The following TBC1D5 variants were observed in gnomAD, a reference collection of about 807,000 sequenced individuals.
TBC1D5 encodes TBC1 domain family, member 5.
A neutral mutation model predicts 100.3 loss-of-function variants in TBC1D5; 75 were observed. The ratio of observed to expected loss-of-function variants is 0.75; its 90% CI spans 0.62 to 0.91. TBC1D5 has a LOEUF of 0.91. TBC1D5 is among the 40% of genes least tolerant of loss of function. TBC1D5 has a pLI of 0.00. For synonymous variants in TBC1D5, 323 were observed against 325.6 expected (o/e 0.99, Z 0.09); for missense variants, 910 against 942.4 (o/e 0.97, Z 0.45).
chr3:17,685,527 G>A (rs1046558303), intron 1 of TBC1D5, among the ~76,000 whole-genome samples: 14 of 151,798 alleles, frequency 9.2e-5, no homozygotes, highest in East Asian at 1.9e-4. Context: ...ATGATTTTCC[G>A]GATTTTGATA....
chr3:17,675,719 A>C (rs1478726069), intron 1 of TBC1D5, among the ~76,000 whole-genome samples: 3 of 152,148 alleles, frequency 2.0e-5, no homozygotes, highest in Non-Finnish European at 4.4e-5. Context: ...TATGATGGTG[A>C]AATTTCATCA....
chr3:17,334,752 G>A (rs1325351693), intron 13 of TBC1D5, among the ~76,000 whole-genome samples: 1 of 152,128 alleles, frequency 6.6e-6, no homozygotes, highest in Non-Finnish European at 1.5e-5. Flanking sequence ...ATACTGGTAA[G>A]TCAACTTTAG....
intron 10 of TBC1D5, 105 bp from the exon 11 acceptor site, chr3:17,374,784 GA>G (rs1332051579): frequency 4.6e-6 from 5 of 1,097,500 alleles, no homozygotes; most frequent in Admixed American, 2.6e-5. Context: ...ATATGCAAAC[GA>G]AAAAAATTAG....
intron 2 of TBC1D5, among the ~76,000 whole-genome samples, chr3:17,559,881 G>T (rs371480863): frequency 2.6e-5 from 4 of 152,040 alleles, no homozygotes; most frequent in Admixed American, 1.3e-4. Flanking sequence ...GAGCCACCGC[G>T]CCCGGCCAAA....
chr3:17,453,962 T>C (rs1361006060), intron 3 of TBC1D5, among the ~76,000 whole-genome samples: 2 of 152,148 alleles, frequency 1.3e-5, no homozygotes, highest in East Asian at 3.9e-4. Context: ...AATCAACATA[T>C]GCGAATCAAT....
At chr3:17,425,756 A>C (rs1199527567) in intron 4 of TBC1D5, among the ~76,000 whole-genome samples, 1 of 152,210 alleles carries the variant, frequency 6.6e-6, no homozygotes, top group Admixed American at 6.5e-5. Flanking sequence ...TTCAAAAGTT[A>C]ATAAAATCTC....
chr3:17,310,861 T>G (rs1205240680), intron 13 of TBC1D5, among the ~76,000 whole-genome samples: 1 of 151,980 alleles, frequency 6.6e-6, no homozygotes, highest in Non-Finnish European at 1.5e-5. Context: ...TCTCAAAATA[T>G]TTAAGAAGAA....
chr3:17,387,702 A>G (rs1176475932), intron 8 of TBC1D5, among the ~76,000 whole-genome samples: 1 of 151,590 alleles, frequency 6.6e-6, no homozygotes, highest in Non-Finnish European at 1.5e-5. Context: ...AGGTAAAGTA[A>G]TTTGAACATC....
intron 2 of TBC1D5, among the ~76,000 whole-genome samples, chr3:17,575,882 T>C (rs2096654544): frequency 6.6e-6 from 1 of 152,118 alleles, no homozygotes; most frequent in Non-Finnish European, 1.5e-5. Flanking sequence ...TTCAATTTCA[T>C]TCAAAAATTG....
intron 2 of TBC1D5, among the ~76,000 whole-genome samples, chr3:17,559,155 T>C (rs2096541115): frequency 6.6e-6 from 1 of 152,284 alleles, no homozygotes; most frequent in African/African-American, 2.4e-5. Context: ...GTAAAACTTT[T>C]TTTTTTAAGA....
chr3:17,558,856 A>G (rs1560159046), intron 2 of TBC1D5, among the ~76,000 whole-genome samples: 2 of 152,192 alleles, frequency 1.3e-5, no homozygotes, highest in African/African-American at 4.8e-5. Context: ...TGAATTTTTT[A>G]AACTGCTTAA....
chr3:17,407,613 G>A (rs915321159), intron 4 of TBC1D5, among the ~76,000 whole-genome samples: 1 of 152,128 alleles, frequency 6.6e-6, no homozygotes, highest in Non-Finnish European at 1.5e-5. Context: ...TATGCTTAGA[G>A]TAATGAACTG....
intron 3 of TBC1D5, among the ~76,000 whole-genome samples, chr3:17,507,138 T>C (rs1027062593): frequency 1.3e-5 from 2 of 152,254 alleles, no homozygotes; most frequent in African/African-American, 4.8e-5. Context: ...AGACATTCAC[T>C]TTTAAAACAT....
chr3:17,268,778 A>G (rs1222954816), intron 15 of TBC1D5, among the ~76,000 whole-genome samples: 2 of 152,134 alleles, frequency 1.3e-5, no homozygotes, highest in Admixed American at 6.6e-5. Flanking sequence ...CCAACTTCCC[A>G]GACCCCTTAA....
At chr3:17,735,711 GC>G (rs1294241533) in intron 1 of TBC1D5, among the ~76,000 whole-genome samples, 1 of 152,226 alleles carries the variant, frequency 6.6e-6, no homozygotes, top group Non-Finnish European at 1.5e-5. Context: ...CGAGTCTTTA[GC>G]CCGATCAGGA....
At chr3:17,246,224 G>C (rs2149204274) in intron 16 of TBC1D5, among the ~76,000 whole-genome samples, 1 of 151,944 alleles carries the variant, frequency 6.6e-6, no homozygotes, top group East Asian at 1.9e-4. Context: ...AAAAACAAAG[G>C]AATATATTTT....
At chr3:17,185,654 C>G (rs1022841343) in intron 18 of TBC1D5, among the ~76,000 whole-genome samples, 6 of 151,494 alleles carry the variant, frequency 4.0e-5, no homozygotes, top group Admixed American at 2.6e-4. Context: ...AAAGATTTCC[C>G]TTTTTATAAG....
chr3:17,517,141 A>G (rs952753016), intron 2 of TBC1D5, among the ~76,000 whole-genome samples: 6 of 152,230 alleles, frequency 3.9e-5, no homozygotes, highest in Non-Finnish European at 7.3e-5. Context: ...GGTCACACTC[A>G]TTAGACCCAG....
intron 13 of TBC1D5, chr3:17,340,528 T>C (rs1156458360): frequency 6.6e-6 from 1 of 152,218 alleles, no homozygotes. Context: ...CTCTGTACTA[T>C]ATCAATACCT....
Sources: allele counts gnomAD v4.1 joint callset (sites outside exome capture counted in the v4.1 genomes callset), GRCh38; gene constraint gnomAD v4.1.1; transcripts MANE v1.5; gene names NCBI Gene and HGNC (gene_info 2026-07-23, HGNC 2026-07-21).